Variants in OPHN1 observed in about 807,000 individuals in gnomAD.
OPHN1 encodes oligophrenin 1, also known as oligophrenin-1.
A neutral mutation model predicts 60.7 loss-of-function variants in OPHN1; 11 were observed. That is an observed-to-expected ratio of 0.18 (90% CI 0.11 to 0.30). The LOEUF (loss-of-function observed/expected upper bound fraction) is 0.30, where lower values mean the gene tolerates loss of function less well. OPHN1 is among the 10% of genes least tolerant of loss of function. The probability of loss-of-function intolerance (pLI) is 1.00; values close to 1 mark genes in which losing one functional copy is unlikely to be tolerated. For missense variants in OPHN1, 449 were observed against 611.0 expected (o/e 0.73, Z 2.80); for synonymous variants, 226 against 222.6 (o/e 1.02, Z -0.14).
At chrX:68,108,336 C>T (rs958773988) in intron 18 of OPHN1, among the ~76,000 whole-genome samples, 3 of 111,912 alleles carry the variant, frequency 2.7e-5, no homozygotes, top group Non-Finnish European at 5.6e-5. Context: ...TATTTAAAAA[C>T]AAAAAACTGG....
intron 5 of OPHN1, among the ~76,000 whole-genome samples, chrX:68,236,551 T>C (rs1254768128): frequency 8.9e-6 from 1 of 111,943 alleles, no homozygotes; most frequent in Non-Finnish European, 1.9e-5. Context: ...GTAATCATTT[T>C]CCATTCCCCC....
rs1254574532 is a variant in OPHN1 at position 68,206,637 on chromosome X, T to C, written c.869A>G (p.Gln290Arg). The C allele has an allele frequency of 8.3e-7, 1 of 1,209,571 alleles. No homozygotes were observed. The highest frequency in any genetic ancestry group is 1.1e-6 in the Non-Finnish European group (1 of 893,230). Residue 290 changes from glutamine to arginine, a missense_variant, in exon 10 of 25, where the codon CAG (glutamine) becomes CGG (arginine). Transcript: ENST00000355520. Reference sequence around the variant, plus strand: ...CAGTGTTTTGGTCTCTTTCTCATACTGGCAATAGTATTTCACCCAGGATAT... The same window carrying C: ...CAGTGTTTTGGTCTCTTTCTCATACCGGCAATAGTATTTCACCCAGGATAT... ...LGISWVKYYC[Q>R]YEKETKTLTM...
intron 3 of OPHN1, among the ~76,000 whole-genome samples, chrX:68,293,077 GAATTC>G (rs1246510906): frequency 9.8e-5 from 11 of 112,026 alleles, no homozygotes; most frequent in Non-Finnish European, 1.9e-4. Flanking sequence ...TGAACCTTCA[GAATTC>G]AACTCCTGGC....
intron 2 of OPHN1, among the ~76,000 whole-genome samples, chrX:68,399,030 C>T: frequency 9.2e-6 from 1 of 109,077 alleles, no homozygotes; most frequent in Middle Eastern, 4.7e-3. Flanking sequence ...CTCCACAAAA[C>T]TGGTCCTCTC....
At chrX:68,374,139 C>T (rs751351441) in intron 2 of OPHN1, among the ~76,000 whole-genome samples, 6 of 110,160 alleles carry the variant, frequency 5.4e-5, no homozygotes, top group Admixed American at 9.8e-5. Context: ...GGGCGGATCA[C>T]GAGGTCAAGA....
chrX:68,201,108 C>T (rs1453567053), intron 11 of OPHN1, among the ~76,000 whole-genome samples: 1 of 111,690 alleles, frequency 9.0e-6, no homozygotes, highest in East Asian at 2.8e-4. Flanking sequence ...GATAATCACA[C>T]TATTTCCAGT....
At chrX:68,429,287 G>A (rs751314112) in intron 2 of OPHN1, among the ~76,000 whole-genome samples, 38 of 110,671 alleles carry the variant, frequency 3.4e-4, no homozygotes, top group Non-Finnish European at 1.7e-4. Context: ...TTAACTGGGC[G>A]TGGTGGTAGG....
Position 68,154,892 on chromosome X carries a change from CACAT to C in OPHN1, c.1277-35564_1277-35561del, listed in dbSNP as rs1236245991. 2.8e-5 allele frequency among the ~76,000 whole-genome samples: 3 copies of C among 107,653 alleles called. No individual in the cohort carries two copies. In the East Asian group the frequency reaches 8.5e-4, roughly 31 times the overall value. 93.5% of individuals were successfully genotyped at this position (107,653 alleles called of 115,157 possible). A position where few individuals can be genotyped will look rare whatever the true frequency, so the allele number is the denominator to read the frequency against. The stretch of plus-strand genomic sequence containing the variant: ...ACACACACACACACACACACACACA[CACAT>C]AAACGGAGTAGCAGAGATTTTTTTT... On this transcript the variant is annotated intron_variant, in intron 15 of 24. Coordinates refer to ENST00000355520, the MANE Select transcript of OPHN1 (RefSeq NM_002547.3).
intron 15 of OPHN1, among the ~76,000 whole-genome samples, chrX:68,140,215 G>A (rs2077236490): frequency 8.9e-6 from 1 of 111,768 alleles, no homozygotes; most frequent in Non-Finnish European, 1.9e-5. Flanking sequence ...TGGATACAGA[G>A]TCCTAAATGA....
At chrX:68,131,595 C>T (rs763947319) in intron 15 of OPHN1, among the ~76,000 whole-genome samples, 1 of 112,214 alleles carries the variant, frequency 8.9e-6, no homozygotes, top group East Asian at 2.8e-4. Context: ...TAAAGTAATA[C>T]AGACACCACC....
chrX:68,336,664 G>A (rs1042279853), intron 2 of OPHN1, among the ~76,000 whole-genome samples: 54 of 86,789 alleles, frequency 6.2e-4, no homozygotes, highest in African/African-American at 4.3e-3. Flanking sequence ...GTGTGTGTGT[G>A]TGTGTGAGAG....
intron 2 of OPHN1, among the ~76,000 whole-genome samples, chrX:68,388,733 G>T (rs773909496): frequency 2.2e-4 from 24 of 110,988 alleles, no homozygotes; most frequent in Non-Finnish European, 4.1e-4. Flanking sequence ...AACTAGGTGA[G>T]GGGCATAGAT....
chrX:68,084,570 T>C (rs2076988163), intron 19 of OPHN1, among the ~76,000 whole-genome samples: 1 of 107,733 alleles, frequency 9.3e-6, no homozygotes, highest in African/African-American at 3.4e-5. Flanking sequence ...AATGATCTTA[T>C]TTCCCTGCTC....
chrX:68,359,855 CAAAAAAAAAAAAA>C (rs1186524030), intron 2 of OPHN1, among the ~76,000 whole-genome samples: 3 of 19,225 alleles, frequency 1.6e-4, no homozygotes, highest in Admixed American at 6.6e-4. Context: ...GACTCCGTCT[CAAAAAAAAAAAAA>C]AAAAAAAAAA....
intron 2 of OPHN1, among the ~76,000 whole-genome samples, chrX:68,382,559 C>G (rs1285238520): frequency 9.0e-6 from 1 of 110,602 alleles, no homozygotes; most frequent in African/African-American, 3.3e-5. Flanking sequence ...AAGGCAAGTA[C>G]TCAGCCTAAT....
intron 15 of OPHN1, among the ~76,000 whole-genome samples, chrX:68,147,849 C>CA (rs1465623559): frequency 3.6e-5 from 4 of 111,327 alleles, no homozygotes; most frequent in Non-Finnish European, 7.6e-5. Context: ...TGGCTAGCTC[C>CA]AAAAATTAAT....
chrX:68,207,194 T>C (rs57920967), intron 9 of OPHN1, among the ~76,000 whole-genome samples: 1,670 of 107,013 alleles, frequency 0.016, 36 homozygotes, highest in African/African-American at 0.054. Flanking sequence ...AGTGGCGCAA[T>C]CTCAGCTCAC....
intron 18 of OPHN1, among the ~76,000 whole-genome samples, chrX:68,106,310 T>C (rs1226824169): frequency 9.3e-6 from 1 of 107,700 alleles, no homozygotes; most frequent in Non-Finnish European, 1.9e-5. Context: ...TAATAACCCA[T>C]ACCCTTCAGA....
rs185121105 is a variant in OPHN1, at chrX:68,249,458, G to A, written c.385-14870C>T. ...AATTCAGGATGACACAAAATGCCTC[G>A]AGAACACCATGTCCAGGCAGCCAGA... On this transcript the variant is annotated intron_variant, in intron 5 of 24. Coordinates refer to ENST00000355520, the MANE Select transcript of OPHN1 (RefSeq NM_002547.3). Among the ~76,000 whole-genome samples, 8 of 111,738 alleles carry A rather than the reference G, an allele frequency of 7.2e-5. No homozygotes were observed. The South Asian group carries it at 1.9e-3, about 27-fold the overall frequency.
Sources: allele counts gnomAD v4.1 joint callset (sites outside exome capture counted in the v4.1 genomes callset), GRCh38; gene constraint gnomAD v4.1.1; transcripts MANE v1.5; gene names NCBI Gene and HGNC (gene_info 2026-07-23, HGNC 2026-07-21).